AGTRAP: variants seen among roughly 807,000 people sequenced by gnomAD.
The protein encoded by AGTRAP is type-1 angiotensin II receptor-associated protein.
A neutral mutation model predicts 15.2 loss-of-function variants in AGTRAP; 7 were observed. The ratio of observed to expected loss-of-function variants is 0.46; its 90% CI spans 0.26 to 0.87. The LOEUF is 0.87. Ranked by LOEUF, AGTRAP falls within the 40% of genes least tolerant of loss-of-function variation. The pLI is 0.15. For synonymous variants in AGTRAP, 74 were observed against 89.6 expected, an observed-to-expected ratio of 0.83 and a Z score of 0.98; for missense variants, 187 against 213.4, an observed-to-expected ratio of 0.88 and a Z score of 0.77.
intron 3 of AGTRAP, among the ~76,000 whole-genome samples, chr1:11,748,209 G>A (rs986235266): frequency 2.0e-5 from 3 of 152,206 alleles, no homozygotes; most frequent in African/African-American, 7.2e-5. Context: ...TGGTGGAACC[G>A]AGACCTGGGC....
At position 11,747,437 on chromosome 1, in the gene AGTRAP, C is replaced by T. The variant is rs1217337544; in HGVS notation, c.63-3C>T. 1 of 1,613,938 alleles carries T rather than the reference C, an allele frequency of 6.2e-7. No homozygotes were observed. The highest frequency in any genetic ancestry group is 1.1e-5 in the South Asian group (1 of 91,084). On this transcript the variant is annotated splice_region_variant and splice_polypyrimidine_tract_variant and intron_variant, in intron 2 of 4. Transcript: ENST00000314340. ...GACGGGACTGAGCTACCTCTTCCTA[C>T]AGGGGCTGCATTGTATTCTCAGGCT...
chr1:11,739,111 TCTTGAGTAGGTTTCTGTGTGAC>T (rs1481897517), intron 1 of AGTRAP, among the ~76,000 whole-genome samples: 1 of 152,270 alleles, frequency 6.6e-6, no homozygotes, highest in African/African-American at 2.4e-5. Flanking sequence ...GCATTCAAGG[TCTTGAGTAGGTTTCTGTGTGAC>T]CTTGAGTAGG....
Position 11,736,213 on chromosome 1 carries a change from A to G in AGTRAP, c.5A>G (p.Glu2Gly). 2 of 1,606,942 alleles carry G rather than the reference A, an allele frequency of 1.2e-6. No homozygotes were observed. ...GTGCCCTCGGCCTGAGTCGGGATGG[A>G]GCTGCCTGCTGTGAACCTGAAGGTG... M[E>G]LPAVNLKVIL... is the part of the protein sequence containing the mutation. Residue 2 changes from glutamate to glycine, a missense_variant, in exon 1 of 5, where the codon GAG becomes GGG. Transcript: ENST00000314340.
chr1:11,742,351 ACT>A (rs1245274106), intron 1 of AGTRAP, among the ~76,000 whole-genome samples: 6 of 151,792 alleles, frequency 4.0e-5, no homozygotes, highest in African/African-American at 1.5e-4. Context: ...GTCAAGAGTA[ACT>A]CTTCTAGAAA....
At chr1:11,740,916 C>T (rs1171622551) in intron 1 of AGTRAP, among the ~76,000 whole-genome samples, 5 of 152,118 alleles carry the variant, frequency 3.3e-5, no homozygotes. Flanking sequence ...ATGTTGGGAC[C>T]ACTGTGGCTG....
rs367563270 is a variant in AGTRAP at position 11,738,479 on chromosome 1, A to G, written c.27+2244A>G. Among the ~76,000 whole-genome samples the G allele has an allele frequency of 8.3e-4, 127 of 152,300 alleles. 3 individuals carry two copies. The South Asian group carries it at 0.023, about 28-fold the overall frequency. On this transcript the variant is annotated intron_variant, in intron 1 of 4. Transcript: ENST00000314340. ...CCTTGGGAGGAGGATCTGGTGGTCT[A>G]GGAGGTAGTCGTGTAGCATTTGGGT...
intron 1 of AGTRAP, among the ~76,000 whole-genome samples, chr1:11,738,769 G>A (rs1641957552): frequency 1.3e-5 from 2 of 152,184 alleles, no homozygotes; most frequent in African/African-American, 4.8e-5. Flanking sequence ...GTTAACCGCT[G>A]CACAACTCTG....
Position 11,750,280 on chromosome 1 carries a change from GA to G in AGTRAP, c.*89del. The stretch of plus-strand genomic sequence containing the variant: ...GGATGCTCCTGACCTCCGTCTCTTG[GA>G]CCTAAGATGGAATGTGTCCCCAGCT... On this transcript the variant is annotated 3_prime_UTR_variant, in exon 5 of 5. Coordinates refer to ENST00000314340, the MANE Select transcript of AGTRAP (RefSeq NM_020350.5). The G allele has an allele frequency of 8.9e-7, 1 of 1,124,450 alleles. No homozygotes were observed. The highest frequency in any genetic ancestry group is 1.3e-6 in the Non-Finnish European group (1 of 766,806). 69.7% of individuals were successfully genotyped at this position (1,124,450 alleles called of 1,614,324 possible).
chr1:11,748,912 G>T (rs1284492496), intron 4 of AGTRAP, among the ~76,000 whole-genome samples: 1 of 152,122 alleles, frequency 6.6e-6, no homozygotes, highest in Non-Finnish European at 1.5e-5. Context: ...TAGTTCCCAG[G>T]GGCAGCCCTG....
intron 2 of AGTRAP, among the ~76,000 whole-genome samples, chr1:11,747,036 C>T (rs930515648): frequency 1.3e-5 from 2 of 152,134 alleles, no homozygotes; most frequent in African/African-American, 2.4e-5. Flanking sequence ...GTCAGTAGGG[C>T]GAGGCTGTGT....
intron 1 of AGTRAP, among the ~76,000 whole-genome samples, chr1:11,741,774 G>C (rs915437726): frequency 3.3e-5 from 5 of 152,338 alleles, no homozygotes; most frequent in Admixed American, 1.3e-4. Flanking sequence ...AAAGCACTTA[G>C]AATGGCACCT....
chr1:11,744,459 A>G (rs951183886), intron 1 of AGTRAP: 7 of 694,884 alleles, frequency 1.0e-5, no homozygotes, highest in Admixed American at 2.1e-5. Context: ...AGGCCCCCCT[A>G]CCTGTCCCCA....
At chr1:11,744,424 GC>G in intron 1 of AGTRAP, 1 of 630,920 alleles carries the variant, frequency 1.6e-6, no homozygotes, top group East Asian at 3.0e-5. Context: ...TTGGCATGAA[GC>G]CCACGCTCCT....
At position 11,749,653 on chromosome 1, in the gene AGTRAP, A is replaced by C. The variant is rs532715419; in HGVS notation, c.365-424A>C. Among the ~76,000 whole-genome samples, 8 of 152,206 alleles carry C rather than the reference A, an allele frequency of 5.3e-5. 1 individual carries two copies. The South Asian group carries it at 1.7e-3, about 32-fold the overall frequency. The stretch of plus-strand genomic sequence containing the variant: ...TCCTTGTACCTGGGAGGGGAGCTGG[A>C]GAGGAGTGCGTGGGCCCGGGGCTGA... On this transcript the variant is annotated intron_variant, in intron 4 of 4. Transcript: ENST00000314340.
chr1:11,747,860 C>CTGCGG (rs1642204886), intron 3 of AGTRAP, among the ~76,000 whole-genome samples: 2 of 152,224 alleles, frequency 1.3e-5, no homozygotes, highest in Non-Finnish European at 2.9e-5. Context: ...TCCCCTGTAA[C>CTGCGG]CTCCCTCTGC....
intron 4 of AGTRAP, 99 bp downstream of exon 4, chr1:11,748,709 C>A: frequency 2.9e-6 from 4 of 1,377,762 alleles, no homozygotes; most frequent in East Asian, 2.5e-5. Context: ...CCCATGGGGC[C>A]AGGGCTCAAG....
In AGTRAP at chr1:11,745,013, C is replaced by A. The variant is rs199562121; in HGVS notation, c.28-790C>A. 4.5e-4 allele frequency among the ~76,000 whole-genome samples: 68 copies of A among 151,928 alleles called. 1 individual carries two copies. Among genetic ancestry groups the A allele is most frequent in the Admixed American group, 4.5e-3 (68 of 15,250 alleles). On this transcript the variant is annotated intron_variant, in intron 1 of 4. Transcript: ENST00000314340. The surrounding 1 kb of genome is among the most constrained non-coding windows in gnomAD (Gnocchi z 4.2). ...GGGATTACAGGCACACACCACCATG[C>A]CCGGCTAATTTTTGTATTTTTAGTA...
intron 4 of AGTRAP, 134 bp downstream of exon 4, chr1:11,748,744 G>T (rs749916374): frequency 4.7e-6 from 5 of 1,065,752 alleles, no homozygotes; most frequent in East Asian, 2.6e-5. Flanking sequence ...TGGCATGGGC[G>T]CTCTGTACTA....
chr1:11,747,589 C>A, intron 3 of AGTRAP, 44 bp downstream of exon 3: 1 of 1,589,046 alleles, frequency 6.3e-7, no homozygotes, highest in Non-Finnish European at 8.6e-7. Flanking sequence ...GGAGCCGCAG[C>A]ACAGGGCAAG....
Sources: gnomAD v4.1 joint callset for allele counts (sites outside exome capture counted in the v4.1 genomes callset) on GRCh38, gnomAD v4.1.1 for gene constraint, Gnocchi (gnomAD v3.1) non-coding constraint, MANE v1.5 for transcripts, NCBI Gene and HGNC (gene_info 2026-07-23, HGNC 2026-07-21) for gene names.